TNIK: variants seen among roughly 807,000 people sequenced by gnomAD.
TNIK encodes the protein TRAF2 and NCK-interacting protein kinase.
TNIK carries 49 observed loss-of-function variants against 191.3 expected under a neutral mutation model. That is an observed-to-expected ratio of 0.26 (90% CI 0.20 to 0.32). The LOEUF is 0.32. Among genes scored for constraint, TNIK ranks in the 10% least tolerant of loss-of-function variants. TNIK has a pLI of 1.00. For missense variants in TNIK, 1,155 were observed against 1,702.3 expected, an observed-to-expected ratio of 0.68 and a Z score of 5.66; for synonymous variants, 594 against 600.9, an observed-to-expected ratio of 0.99 and a Z score of 0.17.
chr3:171,455,898 G>T (rs1728745111), intron 1 of TNIK, among the ~76,000 whole-genome samples: 1 of 152,138 alleles, frequency 6.6e-6, no homozygotes, highest in Non-Finnish European at 1.5e-5. Context: ...TCTAGCCTCT[G>T]CCCTCAAGAA....
chr3:171,355,077 G>A (rs560273835), intron 2 of TNIK, among the ~76,000 whole-genome samples: 428 of 152,190 alleles, frequency 2.8e-3, no homozygotes, highest in African/African-American at 0.01. Context: ...CTGATTAACC[G>A]TAGGCATTCG....
At chr3:171,356,765 G>A (rs1408236562) in intron 2 of TNIK, among the ~76,000 whole-genome samples, 3 of 152,108 alleles carry the variant, frequency 2.0e-5, no homozygotes, top group Non-Finnish European at 4.4e-5. Flanking sequence ...TAAACTCTCA[G>A]ACCTAAATTT....
intron 4 of TNIK, among the ~76,000 whole-genome samples, chr3:171,194,975 A>G (rs929102391): frequency 1.2e-4 from 18 of 152,162 alleles, no homozygotes; most frequent in African/African-American, 3.6e-4. Context: ...TTCACATAAA[A>G]GTAGGATTAT....
chr3:171,123,483 G>C, intron 18 of TNIK, 113 bp downstream of exon 18: 1 of 813,084 alleles, frequency 1.2e-6, no homozygotes, highest in South Asian at 2.3e-5. Context: ...AGTGCACATG[G>C]AAAGTCAACC....
At chr3:171,349,710 C>T (rs1275527522) in intron 2 of TNIK, among the ~76,000 whole-genome samples, 1 of 152,212 alleles carries the variant, frequency 6.6e-6, no homozygotes, top group African/African-American at 2.4e-5. Context: ...TTCCTGTAAT[C>T]CATTCCATTT....
chr3:171,442,787 C>A (rs1560080170), intron 1 of TNIK, among the ~76,000 whole-genome samples: 1 of 152,128 alleles, frequency 6.6e-6, no homozygotes, highest in Non-Finnish European at 1.5e-5. Flanking sequence ...AAAGGAAAAA[C>A]TAAGATTGGT....
At chr3:171,280,781 T>C (rs1750339754) in intron 2 of TNIK, among the ~76,000 whole-genome samples, 1 of 152,156 alleles carries the variant, frequency 6.6e-6, no homozygotes, top group Non-Finnish European at 1.5e-5. Flanking sequence ...TAATATCAGA[T>C]CTATAAGCTT....
chr3:171,288,664 C>T (rs1481590650), intron 2 of TNIK, among the ~76,000 whole-genome samples: 2 of 151,784 alleles, frequency 1.3e-5, no homozygotes, highest in African/African-American at 4.8e-5. Context: ...AAAAATTAGC[C>T]TGGTGTGGTG....
intron 2 of TNIK, among the ~76,000 whole-genome samples, chr3:171,286,344 T>A (rs1751012157): frequency 6.6e-6 from 1 of 152,230 alleles, no homozygotes; most frequent in African/African-American, 2.4e-5. Flanking sequence ...GGGAAGGATC[T>A]ATTCAGGTAT....
intron 12 of TNIK, among the ~76,000 whole-genome samples, chr3:171,145,524 C>G (rs1359554011): frequency 1.3e-5 from 2 of 152,158 alleles, no homozygotes; most frequent in Non-Finnish European, 2.9e-5. Flanking sequence ...TAGGTGGAGG[C>G]TGTGTGGCTG....
intron 2 of TNIK, among the ~76,000 whole-genome samples, chr3:171,246,520 C>T (rs940208880): frequency 3.9e-5 from 6 of 152,196 alleles, no homozygotes; most frequent in East Asian, 1.9e-4. Context: ...GATAAGGAAA[C>T]GCACAAAGAA....
intron 7 of TNIK, among the ~76,000 whole-genome samples, chr3:171,188,304 T>C (rs1737622200): frequency 6.6e-6 from 1 of 152,106 alleles, no homozygotes; most frequent in Non-Finnish European, 1.5e-5. Flanking sequence ...CAGATTATTC[T>C]CAATCAGAAA....
chr3:171,219,012 T>C (rs1392498391), intron 3 of TNIK, among the ~76,000 whole-genome samples: 1 of 110,388 alleles, frequency 9.1e-6, no homozygotes, highest in African/African-American at 4.4e-5. Context: ...ATATATAAAA[T>C]ATTACTATAT....
At chr3:171,126,600 A>T (rs1041826769) in intron 16 of TNIK, among the ~76,000 whole-genome samples, 2 of 152,196 alleles carry the variant, frequency 1.3e-5, no homozygotes, top group African/African-American at 4.8e-5. Context: ...CCTGAGGTGG[A>T]TACAGTCATT....
intron 1 of TNIK, among the ~76,000 whole-genome samples, chr3:171,424,160 C>A (rs146377881): frequency 0.039 from 5,922 of 152,128 alleles, 401 homozygotes; most frequent in African/African-American, 0.14. Flanking sequence ...ACCCCATCAA[C>A]AAGTGGGTGA....
At chr3:171,168,244 C>T (rs1441242764) in intron 9 of TNIK, among the ~76,000 whole-genome samples, 3 of 152,334 alleles carry the variant, frequency 2.0e-5, no homozygotes, top group Admixed American at 6.5e-5. Context: ...CTATAGCATG[C>T]TTTTCCAAGG....
rs1014607976 is a variant in TNIK, at chr3:171,165,435, A to G, written c.949+1660T>C. 6.3e-3 allele frequency among the ~76,000 whole-genome samples: 944 copies of G among 149,224 alleles called. 8 individuals carry two copies. The highest frequency in any genetic ancestry group is 9.9e-3 in the Non-Finnish European group (671 of 67,772). The stretch of plus-strand genomic sequence containing the variant: ...CATCTCAAAAAAAAAAAAAAAAAAA[A>G]AGGAACTCTTTCTGGAACCTTCACT... On this transcript the variant is annotated intron_variant, in intron 10 of 32. Coordinates refer to ENST00000436636, the MANE Select transcript of TNIK (RefSeq NM_015028.4).
At chr3:171,103,903 A>AT (rs1724085731) in intron 21 of TNIK, among the ~76,000 whole-genome samples, 1 of 152,072 alleles carries the variant, frequency 6.6e-6, no homozygotes, top group African/African-American at 2.4e-5. Flanking sequence ...CAGGCTACTG[A>AT]TTTAAAAAAA....
chr3:171,153,070 G>A (rs1040065661), intron 12 of TNIK, among the ~76,000 whole-genome samples: 3 of 152,064 alleles, frequency 2.0e-5, no homozygotes, highest in Non-Finnish European at 4.4e-5. Context: ...CACTGCGCCC[G>A]GCCAAAACTA....
Sources: gnomAD v4.1 joint callset for allele counts (sites outside exome capture counted in the v4.1 genomes callset) on GRCh38, gnomAD v4.1.1 for gene constraint, MANE v1.5 for transcripts, NCBI Gene and HGNC (gene_info 2026-07-23, HGNC 2026-07-21) for gene names.